Variants in TTC39B observed in about 807,000 individuals in gnomAD.
TTC39B encodes the protein tetratricopeptide repeat domain 39B.
Under a neutral mutation model 96.6 loss-of-function variants are expected in TTC39B, and 92 were observed. The ratio of observed to expected loss-of-function variants is 0.95; its 90% CI spans 0.80 to 1.13. The LOEUF is 1.13. Ranked by LOEUF, TTC39B falls within the 50% of genes most tolerant of loss-of-function variation. The pLI is 0.00. For synonymous variants in TTC39B, 367 were observed against 299.4 expected, an observed-to-expected ratio of 1.23 and a Z score of -2.33; for missense variants, 955 against 809.3, an observed-to-expected ratio of 1.18 and a Z score of -2.18.
intron 1 of TTC39B, among the ~76,000 whole-genome samples, chr9:15,296,130 G>A (rs958567185): frequency 6.6e-6 from 1 of 152,146 alleles, no homozygotes; most frequent in Non-Finnish European, 1.5e-5. Context: ...AACAGGGAGG[G>A]AAAAAAGGAG....
intron 5 of TTC39B, among the ~76,000 whole-genome samples, chr9:15,210,670 C>G (rs1320084753): frequency 6.6e-6 from 1 of 152,172 alleles, no homozygotes; most frequent in African/African-American, 2.4e-5. Context: ...TCCATCTGAT[C>G]AGGGTGCTGC....
chr9:15,293,836 T>A (rs1824276858), intron 1 of TTC39B, among the ~76,000 whole-genome samples: 1 of 152,188 alleles, frequency 6.6e-6, no homozygotes. Flanking sequence ...TTTTGGTCCA[T>A]CAAATGTAGC....
chr9:15,241,959 T>G (rs1187482318), intron 2 of TTC39B, among the ~76,000 whole-genome samples: 1 of 152,152 alleles, frequency 6.6e-6, no homozygotes, highest in Non-Finnish European at 1.5e-5. Flanking sequence ...TTGGTCACGC[T>G]GGTCTCAAAC....
intron 18 of TTC39B, among the ~76,000 whole-genome samples, chr9:15,177,169 A>G (rs920379920): frequency 5.3e-5 from 8 of 152,094 alleles, no homozygotes; most frequent in African/African-American, 1.9e-4. Flanking sequence ...AAATGTATGA[A>G]TTAAATTAGT....
chr9:15,248,061 T>TG (rs1822364080), intron 2 of TTC39B, among the ~76,000 whole-genome samples: 2 of 152,198 alleles, frequency 1.3e-5, no homozygotes, highest in African/African-American at 4.8e-5. Flanking sequence ...ATGGTTGCTG[T>TG]TGAAGATTTT....
At position 15,189,639 on chromosome 9, in the gene TTC39B, G is replaced by C; in HGVS notation, c.1174-6C>G. The C allele has an allele frequency of 1.2e-6, 2 of 1,614,154 alleles. No individual in the cohort carries two copies. Among genetic ancestry groups the C allele is most frequent in the Non-Finnish European group, 1.7e-6 (2 of 1,180,014 alleles). ...TAAAACAACACGAGTGAGCCCTGCA[G>C]AGCAAGGAAGAAAACACACTGTTCA... On this transcript the variant is annotated splice_region_variant and splice_polypyrimidine_tract_variant and intron_variant, in intron 12 of 19. Transcript: ENST00000512701.
chr9:15,188,159 CG>C, intron 13 of TTC39B, 27 bp from the exon 14 acceptor site: 1 of 1,553,034 alleles, frequency 6.4e-7, no homozygotes, highest in Non-Finnish European at 8.7e-7. Flanking sequence ...CAAAGTTGAT[CG>C]TCCAGATATT....
At chr9:15,211,848 C>T (rs1235951007) in intron 4 of TTC39B, among the ~76,000 whole-genome samples, 1 of 152,174 alleles carries the variant, frequency 6.6e-6, no homozygotes, top group Non-Finnish European at 1.5e-5. Flanking sequence ...AGGCCAAGAG[C>T]AAACAAGATT....
At chr9:15,216,272 C>T (rs983094545) in intron 3 of TTC39B, among the ~76,000 whole-genome samples, 5 of 152,166 alleles carry the variant, frequency 3.3e-5, no homozygotes, top group Non-Finnish European at 7.3e-5. Flanking sequence ...CCAGTGCCTT[C>T]GACAATACCT....
At chr9:15,236,022 C>A (rs970880792) in intron 2 of TTC39B, among the ~76,000 whole-genome samples, 1 of 152,098 alleles carries the variant, frequency 6.6e-6, no homozygotes, top group Non-Finnish European at 1.5e-5. Flanking sequence ...GAGTAGCAAA[C>A]TAGTTTTTTA....
chr9:15,252,155 T>C (rs1338034591), intron 2 of TTC39B, among the ~76,000 whole-genome samples: 3 of 152,204 alleles, frequency 2.0e-5, no homozygotes, highest in African/African-American at 7.2e-5. Context: ...TGCAAAATTA[T>C]TAGTAAAGTA....
At chr9:15,216,516 G>A (rs970586601) in intron 3 of TTC39B, among the ~76,000 whole-genome samples, 3 of 152,094 alleles carry the variant, frequency 2.0e-5, no homozygotes, top group East Asian at 1.9e-4. Flanking sequence ...AACCTCTCAC[G>A]GCAAGATTTT....
At chr9:15,246,608 T>G (rs942395544) in intron 2 of TTC39B, among the ~76,000 whole-genome samples, 5 of 152,208 alleles carry the variant, frequency 3.3e-5, no homozygotes, top group Admixed American at 3.3e-4. Context: ...GTCCAAATCT[T>G]AAAGACTAGC....
intron 2 of TTC39B, among the ~76,000 whole-genome samples, chr9:15,259,275 C>G (rs1822862734): frequency 6.6e-6 from 1 of 152,180 alleles, no homozygotes; most frequent in African/African-American, 2.4e-5. Flanking sequence ...TTTGCTTCTG[C>G]CAATTACCTG....
intron 4 of TTC39B, among the ~76,000 whole-genome samples, chr9:15,211,899 T>C (rs543479799): frequency 1.6e-4 from 25 of 152,148 alleles, no homozygotes; most frequent in Admixed American, 4.6e-4. Flanking sequence ...ATGACCAAAG[T>C]AGTTGTCAGA....
At chr9:15,218,252 G>A (rs1006322456) in intron 3 of TTC39B, among the ~76,000 whole-genome samples, 4 of 150,704 alleles carry the variant, frequency 2.7e-5, no homozygotes, top group African/African-American at 4.9e-5. Flanking sequence ...ATAGCATGAT[G>A]TAAATAATGA....
At chr9:15,190,986 A>C (rs1299831088) in intron 10 of TTC39B, among the ~76,000 whole-genome samples, 1 of 152,224 alleles carries the variant, frequency 6.6e-6, no homozygotes, top group African/African-American at 2.4e-5. Context: ...TTGGATAACA[A>C]GGGTGAACAT....
rs1382976027 is a variant in TTC39B at position 15,172,104 on chromosome 9, T to C, written c.1964A>G (p.Asn655Ser). The change falls in exon 20 of 20, where the codon AAC (asparagine) becomes AGC (serine). Residue 655 changes from asparagine to serine, a missense_variant. By Grantham distance (46) the Asn-to-Ser change is conservative. Transcript: ENST00000512701. ...GGACTCCAGGGAGTAATCTTTGTAG[T>C]TGTTCCTGAAGACAATAACAATAAA... 1.9e-6 allele frequency: 3 copies of C among 1,611,482 alleles called. No homozygotes were observed. Among genetic ancestry groups the C allele is most frequent in the Admixed American group, 1.7e-5 (1 of 59,954 alleles).
At position 15,303,893 on chromosome 9, in the gene TTC39B, C is replaced by T. The variant is rs150504389; in HGVS notation, c.240+3191G>A. Among the ~76,000 whole-genome samples, 1,098 of 152,198 alleles carry T rather than the reference C, an allele frequency of 7.2e-3. 7 individuals carry two copies. The highest frequency in any genetic ancestry group is 0.02 in the Middle Eastern group (6 of 294). On this transcript the variant is annotated intron_variant, in intron 1 of 19. Coordinates refer to ENST00000512701, the Ensembl canonical transcript of TTC39B. The stretch of plus-strand genomic sequence containing the variant: ...CAGGTGATCCACCCGCCTCAGCCTC[C>T]CAAAGTGATGGGATTACAGGCATGA...
Sources: allele counts gnomAD v4.1 joint callset (sites outside exome capture counted in the v4.1 genomes callset), GRCh38; gene constraint gnomAD v4.1.1; transcripts MANE v1.5; gene names NCBI Gene and HGNC (gene_info 2026-07-23, HGNC 2026-07-21).